The following CCDC18 variants were observed in gnomAD, a reference collection of about 807,000 sequenced individuals.
The protein encoded by CCDC18 is coiled-coil domain-containing protein 18.
A neutral mutation model predicts 196.0 loss-of-function variants in CCDC18; 157 were observed. That is an observed-to-expected ratio of 0.80 (90% CI 0.70 to 0.91). The LOEUF (loss-of-function observed/expected upper bound fraction) is 0.91. Among genes scored for constraint, CCDC18 ranks in the 40% least tolerant of loss-of-function variants. The probability of loss-of-function intolerance (pLI) is 0.00; values close to 1 mark genes in which losing one functional copy is unlikely to be tolerated. For missense variants in CCDC18, 1,465 were observed against 1,611.6 expected (o/e 0.91, Z 1.56); for synonymous variants, 482 against 529.2 (o/e 0.91, Z 1.22).
At chr1:93,271,070 A>G in intron 28 of CCDC18, 1 of 984,098 alleles carries the variant, frequency 1.0e-6, no homozygotes, top group Non-Finnish European at 1.2e-6. Flanking sequence ...ATAGACATGA[A>G]AGTGCTTAAA....
At position 93,193,747 on chromosome 1, in the gene CCDC18, A is replaced by C; in HGVS notation, c.698+3A>C. ...GAACAAACCAAACAAGGAAAAAGGT[A>C]TGTGTTTTTAAAGCAAATACATGTT... On this transcript the variant is annotated splice_donor_region_variant and intron_variant, in intron 6 of 28. Transcript: ENST00000690025. 1 of 1,543,598 alleles carries C rather than the reference A, an allele frequency of 6.5e-7. No homozygotes were observed.
chr1:93,239,692 TAGAAAAG>T lies in CCDC18; in HGVS notation c.2778_2784del (p.Leu926PhefsTer10). On this transcript the variant is annotated frameshift_variant, in exon 21 of 29. Transcript: ENST00000690025. LOFTEE classifies it high-confidence loss of function. Reference sequence around the variant, plus strand: ...TCTCTCCTCTTAATAGTAAAGGAGTTAGAAAAGTTACAGCACAGTACTGAAACTGAAC... The same window carrying T: ...TCTCTCCTCTTAATAGTAAAGGAGTTTTACAGCACAGTACTGAAACTGAAC... The T allele has an allele frequency of 6.2e-7, 1 of 1,608,404 alleles. No homozygotes were observed.
intron 5 of CCDC18, among the ~76,000 whole-genome samples, chr1:93,192,770 T>G (rs1250955570): frequency 6.6e-6 from 1 of 152,192 alleles, no homozygotes; most frequent in Non-Finnish European, 1.5e-5. Context: ...CTCTTCTGCT[T>G]TGAATAAAAT....
chr1:93,232,861 C>T (rs1051714340), intron 18 of CCDC18, among the ~76,000 whole-genome samples: 3 of 152,126 alleles, frequency 2.0e-5, no homozygotes, highest in Admixed American at 6.5e-5. Flanking sequence ...ACCCCAGCTA[C>T]TGAGGAGGCT....
intron 4 of CCDC18, among the ~76,000 whole-genome samples, chr1:93,191,308 C>G (rs1443782468): frequency 2.0e-5 from 3 of 152,162 alleles, no homozygotes; most frequent in African/African-American, 7.2e-5. Flanking sequence ...AACTTTCTGC[C>G]TCTTTCCTAG....
chr1:93,225,677 G>A (rs987974741), intron 16 of CCDC18, among the ~76,000 whole-genome samples: 42 of 151,728 alleles, frequency 2.8e-4, no homozygotes, highest in Non-Finnish European at 2.9e-5. Context: ...CTCAGGAGGC[G>A]GAGGCAGGAG....
At chr1:93,204,044 G>A (rs547470133) in intron 7 of CCDC18, among the ~76,000 whole-genome samples, 1 of 152,220 alleles carries the variant, frequency 6.6e-6, no homozygotes, top group East Asian at 1.9e-4. Context: ...AGTGTGTGTG[G>A]TGGGTTGGGA....
chr1:93,180,423 G>C, upstream of CCDC18: 2 of 1,269,430 alleles, frequency 1.6e-6, no homozygotes, highest in South Asian at 2.7e-5. Context: ...CAAAGGGTAG[G>C]GACTCTGGGC....
rs765574834 is a variant in CCDC18, at chr1:93,256,370, G to A, written c.3378G>A (p.Gln1126=). The A allele has an allele frequency of 3.7e-6, 6 of 1,614,056 alleles. No individual in the cohort carries two copies. Among genetic ancestry groups the A allele is most frequent in the East Asian group, 2.2e-5 (1 of 44,864 alleles). Reference sequence around the variant, plus strand: ...AGCAAGAACAGTACATTGCCACTCAGTACAAGGAGGCCATAGATTTGGGGC... The same window carrying A: ...AGCAAGAACAGTACATTGCCACTCAATACAAGGAGGCCATAGATTTGGGGC... ...MKEQEQYIAT[Q]YKEAIDLGQE... Residue 1126 remains glutamine, a synonymous_variant, in exon 25 of 29, where the codon CAG becomes CAA. Transcript: ENST00000690025.
intron 28 of CCDC18, among the ~76,000 whole-genome samples, chr1:93,275,252 C>T (rs1003102866): frequency 2.6e-5 from 4 of 152,030 alleles, no homozygotes; most frequent in Non-Finnish European, 4.4e-5. Flanking sequence ...GGATTACAGG[C>T]GTGTGTCACC....
chr1:93,270,617 C>A lies in CCDC18; in HGVS notation c.4156C>A (p.Pro1386Thr). The change falls in exon 28 of 29, where the codon CCT (proline) becomes ACT (threonine). Residue 1386 changes from proline to threonine, a missense_variant. By Grantham distance (38) the Pro-to-Thr change is conservative. Coordinates refer to ENST00000690025, the MANE Select transcript of CCDC18 (RefSeq NM_001378204.1). ...QDLKKMQLEQPSTLEESHKNL... is the reference protein window; with the variant it reads ...QDLKKMQLEQTSTLEESHKNL... Reference sequence around the variant, plus strand: ...CTTAAAGAAAATGCAATTAGAACAGCCTTCAACATTAGAAGAAAGCCATAA... The same window carrying A: ...CTTAAAGAAAATGCAATTAGAACAGACTTCAACATTAGAAGAAAGCCATAA... 1.9e-6 allele frequency: 3 copies of A among 1,550,358 alleles called. No homozygotes were observed. Among genetic ancestry groups the A allele is most frequent in the Non-Finnish European group, 2.6e-6 (3 of 1,146,890 alleles).
chr1:93,197,036 A>AG (rs1288840316), intron 6 of CCDC18, among the ~76,000 whole-genome samples: 2 of 152,194 alleles, frequency 1.3e-5, no homozygotes, highest in Admixed American at 1.3e-4. Flanking sequence ...ACACTCTTAG[A>AG]GGAAAAAATT....
At chr1:93,260,261 A>C (rs1244429059) in intron 26 of CCDC18, among the ~76,000 whole-genome samples, 2 of 152,118 alleles carry the variant, frequency 1.3e-5, no homozygotes, top group Non-Finnish European at 2.9e-5. Flanking sequence ...GCGCATGCCT[A>C]TAATCCCAGC....
intron 6 of CCDC18, among the ~76,000 whole-genome samples, chr1:93,201,024 A>G (rs1653734665): frequency 6.6e-6 from 1 of 152,216 alleles, no homozygotes; most frequent in African/African-American, 2.4e-5. Flanking sequence ...TTTGGAGTCA[A>G]ATAGACGTAC....
chr1:93,256,342 A>C lies in CCDC18; in HGVS notation c.3350A>C (p.Lys1117Thr), dbSNP rs760780209. Residue 1117 changes from lysine (K) to threonine (T), a missense_variant, in exon 25 of 29, where the codon AAA becomes ACA. Coordinates refer to ENST00000690025, the MANE Select transcript of CCDC18 (RefSeq NM_001378204.1). ...QRMKEMESVM[K>T]EQEQYIATQY... ...ATACCTTATGCTTTTCAGGTTATGA[A>C]AGAGCAAGAACAGTACATTGCCACT... 6.2e-7 allele frequency: 1 copy of C among 1,613,758 alleles called. No homozygotes were observed. Among genetic ancestry groups the C allele is most frequent in the South Asian group, 1.1e-5 (1 of 91,040 alleles).
intron 17 of CCDC18, among the ~76,000 whole-genome samples, chr1:93,231,340 T>G (rs1437151468): frequency 1.4e-4 from 22 of 152,180 alleles, no homozygotes; most frequent in Non-Finnish European, 2.6e-4. Context: ...GCCCATTCTC[T>G]AATACTTCAG....
At chr1:93,244,487 T>C (rs1431867368) in intron 21 of CCDC18, among the ~76,000 whole-genome samples, 1 of 152,210 alleles carries the variant, frequency 6.6e-6, no homozygotes, top group African/African-American at 2.4e-5. Flanking sequence ...CATAATTCCA[T>C]TTATATGAAA....
intron 27 of CCDC18, among the ~76,000 whole-genome samples, chr1:93,265,982 A>G (rs1024751566): frequency 1.6e-4 from 24 of 152,226 alleles, no homozygotes; most frequent in African/African-American, 5.5e-4. Flanking sequence ...GCAAATCAAC[A>G]GAATATACAT....
intron 28 of CCDC18, among the ~76,000 whole-genome samples, chr1:93,276,790 T>C (rs897033618): frequency 6.6e-6 from 1 of 151,944 alleles, no homozygotes; most frequent in Non-Finnish European, 1.5e-5. Context: ...TGTGTAGGGG[T>C]GGGTTGCCCC....
Sources: allele counts gnomAD v4.1 joint callset (sites outside exome capture counted in the v4.1 genomes callset), GRCh38; gene constraint gnomAD v4.1.1; transcripts MANE v1.5; gene names NCBI Gene and HGNC (gene_info 2026-07-23, HGNC 2026-07-21).